GM2A: variants seen among roughly 807,000 people sequenced by gnomAD.
GM2A encodes the protein GM2 ganglioside activator.
Under a neutral mutation model 12.9 loss-of-function variants are expected in GM2A, and 7 were observed. The observed-to-expected ratio is 0.54, with a 90% CI of 0.31 to 1.02. The LOEUF is 1.02. Ranked by LOEUF, GM2A falls within the 50% of genes least tolerant of loss-of-function variation. The pLI, the probability that GM2A is intolerant of heterozygous loss-of-function variation, is 0.05. For synonymous variants in GM2A, 101 were observed against 96.0 expected, an observed-to-expected ratio of 1.05 and a Z score of -0.30; for missense variants, 246 against 241.0, an observed-to-expected ratio of 1.02 and a Z score of -0.14.
At position 151,268,527 on chromosome 5, in the gene GM2A, A is replaced by G. The variant is rs543560957; in HGVS notation, c.*1076A>G. On this transcript the variant is annotated 3_prime_UTR_variant, in exon 4 of 4. Transcript: ENST00000357164. ...ACAGAAAGTCACAGCACATGTGCCC[A>G]TTGATACAAGGCTGCTGAGGCCTGG... is the stretch of plus-strand genomic sequence containing the variant. The G allele has an allele frequency of 2.0e-4, 202 of 985,450 alleles. No homozygotes were observed. In the African/African-American group the frequency reaches 3.3e-3, roughly 16 times the overall value. The allele number at this position is 985,450 out of a possible 1,614,324, so 61.0% of individuals were successfully genotyped here. A position where few individuals can be genotyped will look rare whatever the true frequency, so the allele number is the denominator to read the frequency against.
In GM2A at chr5:151,269,672, C is replaced by A; in HGVS notation, c.*2221C>A. Reference sequence around the variant, plus strand: ...CATCTGGTTCCAGATTTCTTTTCCCCGAAAAAAACCTTAGAAGTAACTAAA... The same window carrying A: ...CATCTGGTTCCAGATTTCTTTTCCCAGAAAAAAACCTTAGAAGTAACTAAA... On this transcript the variant is annotated 3_prime_UTR_variant, in exon 4 of 4. Coordinates refer to ENST00000357164, the MANE Select transcript of GM2A (RefSeq NM_000405.5). 1 of 171,228 alleles carries A rather than the reference C, an allele frequency of 5.8e-6. No homozygotes were observed. Among genetic ancestry groups the A allele is most frequent in the Non-Finnish European group, 1.2e-5 (1 of 85,388 alleles). 10.6% of individuals were successfully genotyped at this position (171,228 alleles called of 1,614,324 possible). A position where few individuals can be genotyped will look rare whatever the true frequency, so the allele number is the denominator to read the frequency against.
intron 1 of GM2A, among the ~76,000 whole-genome samples, chr5:151,255,758 C>G (rs1043589307): frequency 3.3e-5 from 5 of 152,164 alleles, no homozygotes; most frequent in Non-Finnish European, 5.9e-5. Flanking sequence ...CTTCATTTGC[C>G]TGGAGAATTT....
At chr5:151,259,350 G>A (rs1186722706) in intron 1 of GM2A, among the ~76,000 whole-genome samples, 1 of 152,200 alleles carries the variant, frequency 6.6e-6, no homozygotes, top group Non-Finnish European at 1.5e-5. Context: ...GGTGTGGGCT[G>A]CAGAGGTGAA....
intron 2 of GM2A, among the ~76,000 whole-genome samples, chr5:151,261,981 C>T (rs1426131004): frequency 2.6e-5 from 4 of 152,160 alleles, no homozygotes; most frequent in Admixed American, 6.6e-5. Flanking sequence ...TCTAGATACA[C>T]ACTTTTTAGG....
chr5:151,268,645 A>G lies in GM2A; in HGVS notation c.*1194A>G. 1.4e-6 allele frequency: 1 copy of G among 724,034 alleles called. No homozygotes were observed. Among genetic ancestry groups the G allele is most frequent in the Non-Finnish European group, 1.7e-6 (1 of 591,388 alleles). 44.9% of individuals were successfully genotyped at this position (724,034 alleles called of 1,614,324 possible). A position where few individuals can be genotyped will look rare whatever the true frequency, so the allele number is the denominator to read the frequency against. ...GTGAAGACAACTGCCAGATACTGGC[A>G]ATACTCCAGCCTGGTGACAGAGTGA... On this transcript the variant is annotated 3_prime_UTR_variant, in exon 4 of 4. Coordinates refer to ENST00000357164, the MANE Select transcript of GM2A (RefSeq NM_000405.5).
At chr5:151,266,971 G>A in intron 3 of GM2A, 58 bp downstream of exon 3, 1 of 1,351,074 alleles carries the variant, frequency 7.4e-7, no homozygotes, top group Non-Finnish European at 1.1e-6. Flanking sequence ...GGGGTTTGGA[G>A]AGAAGGGTCT....
chr5:151,259,712 A>C (rs1350042004), intron 1 of GM2A, 43 bp from the exon 2 acceptor site: 1 of 1,596,580 alleles, frequency 6.3e-7, no homozygotes, highest in Non-Finnish European at 8.6e-7. Context: ...TCTTTTGTCA[A>C]CCTTTTTCTT....
intron 1 of GM2A, among the ~76,000 whole-genome samples, chr5:151,255,610 G>A (rs1182155422): frequency 6.6e-6 from 1 of 152,148 alleles, no homozygotes; most frequent in East Asian, 1.9e-4. Context: ...TGTCGGTGAA[G>A]GGAAATGCAT....
At chr5:151,265,708 G>C (rs1753871736) in intron 2 of GM2A, among the ~76,000 whole-genome samples, 1 of 152,156 alleles carries the variant, frequency 6.6e-6, no homozygotes, top group East Asian at 1.9e-4. Flanking sequence ...ACTTCCTCCT[G>C]GTCAGCTTCA....
At position 151,269,253 on chromosome 5, in the gene GM2A, T is replaced by C. The variant is rs1218469795; in HGVS notation, c.*1802T>C. On this transcript the variant is annotated 3_prime_UTR_variant, in exon 4 of 4. Transcript: ENST00000357164. Reference sequence around the variant, plus strand: ...TTTTAACTTGCGGACAGTTTCCCCTTGCCTTGGCTGCATATTTCACTGATC... The same window carrying C: ...TTTTAACTTGCGGACAGTTTCCCCTCGCCTTGGCTGCATATTTCACTGATC... 1 of 985,360 alleles carries C rather than the reference T, an allele frequency of 1.0e-6. No homozygotes were observed. Among genetic ancestry groups the C allele is most frequent in the African/African-American group, 1.7e-5 (1 of 57,242 alleles). 61.0% of individuals were successfully genotyped at this position (985,360 alleles called of 1,614,324 possible).
chr5:151,257,838 C>A (rs770961884), intron 1 of GM2A, among the ~76,000 whole-genome samples: 8 of 152,216 alleles, frequency 5.3e-5, no homozygotes, highest in African/African-American at 1.9e-4. Context: ...TGCAAGAGCC[C>A]GGCTTAAGTA....
intron 3 of GM2A, 41 bp downstream of exon 3, chr5:151,266,954 A>C: frequency 6.7e-7 from 1 of 1,489,528 alleles, no homozygotes; most frequent in Non-Finnish European, 9.4e-7. Context: ...CCTGTGGCTA[A>C]AGAGATGGGG....
At position 151,267,279 on chromosome 5, in the gene GM2A, C is replaced by T. The variant is rs1302753656; in HGVS notation, c.427-17C>T. 6.2e-7 allele frequency: 1 copy of T among 1,614,134 alleles called. No individual in the cohort carries two copies. Among genetic ancestry groups the T allele is most frequent in the Non-Finnish European group, 8.5e-7 (1 of 1,179,996 alleles). On this transcript the variant is annotated splice_polypyrimidine_tract_variant and intron_variant, in intron 3 of 3. Coordinates refer to ENST00000357164, the MANE Select transcript of GM2A (RefSeq NM_000405.5). ...AGTAGGCTCCCACTGACTGGCGGTCCACTGGCTTTCCCGCAGGGAACCTAC... is the reference window on the plus strand; with the variant it reads ...AGTAGGCTCCCACTGACTGGCGGTCTACTGGCTTTCCCGCAGGGAACCTAC...
rs947160838 is a variant in GM2A at position 151,268,242 on chromosome 5, G to A, written c.*791G>A. The A allele has an allele frequency of 1.3e-4, 73 of 562,090 alleles. No homozygotes were observed. The highest frequency in any genetic ancestry group is 1.4e-4 in the Non-Finnish European group (64 of 445,440). 34.8% of individuals were successfully genotyped at this position (562,090 alleles called of 1,614,324 possible). ...GCAATCTCACCTCACTGCAACCTCC[G>A]CCTCCTGGGTTCAAGCAATTCTCCT... is the stretch of plus-strand genomic sequence containing the variant. On this transcript the variant is annotated 3_prime_UTR_variant, in exon 4 of 4. Coordinates refer to ENST00000357164, the MANE Select transcript of GM2A (RefSeq NM_000405.5).
intron 1 of GM2A, among the ~76,000 whole-genome samples, 162 bp downstream of exon 1, chr5:151,253,459 T>C: frequency 6.6e-6 from 1 of 152,208 alleles, no homozygotes; most frequent in East Asian, 1.9e-4. Flanking sequence ...GTCTGTACAA[T>C]GAGGGTGGCC....
intron 1 of GM2A, among the ~76,000 whole-genome samples, chr5:151,256,790 C>T (rs546541572): frequency 6.6e-6 from 1 of 152,056 alleles, no homozygotes; most frequent in Non-Finnish European, 1.5e-5. Flanking sequence ...CCATTAATGC[C>T]CTCTTTCTGA....
At position 151,253,233 on chromosome 5, in the gene GM2A, A is replaced by G; in HGVS notation, c.17A>G (p.Gln6Arg). The change falls in exon 1 of 4, where the codon CAG becomes CGG. Residue 6 changes from glutamine to arginine, a missense_variant. Transcript: ENST00000357164. MQSLM[Q>R]APLLIALGLL... The stretch of plus-strand genomic sequence containing the variant: ...CCCTTCCCGATGCAGTCCCTGATGC[A>G]GGCTCCCCTCCTGATCGCCCTGGGC... 6.2e-7 allele frequency: 1 copy of G among 1,613,960 alleles called. No homozygotes were observed. The highest frequency in any genetic ancestry group is 8.5e-7 in the Non-Finnish European group (1 of 1,179,858).
In GM2A at chr5:151,269,144, A is replaced by G. The variant is rs1189419745; in HGVS notation, c.*1693A>G. On this transcript the variant is annotated 3_prime_UTR_variant, in exon 4 of 4. Transcript: ENST00000357164. ...ATCAAACTGCCTGGATTTTTCTACC[A>G]CCCTGTTACATCATAACAACTTCTG... 1 of 985,184 alleles carries G rather than the reference A, an allele frequency of 1.0e-6. No homozygotes were observed. Among genetic ancestry groups the G allele is most frequent in the Non-Finnish European group, 1.2e-6 (1 of 829,920 alleles). The allele number at this position is 985,184 out of a possible 1,614,324, so 61.0% of individuals were successfully genotyped here.
rs1472622991 is a variant in GM2A, at chr5:151,269,402, C to G, written c.*1951C>G. 1 of 985,380 alleles carries G rather than the reference C, an allele frequency of 1.0e-6. No homozygotes were observed. Among genetic ancestry groups the G allele is most frequent in the Non-Finnish European group, 1.2e-6 (1 of 829,934 alleles). The allele number at this position is 985,380 out of a possible 1,614,324, so 61.0% of individuals were successfully genotyped here. On this transcript the variant is annotated 3_prime_UTR_variant, in exon 4 of 4. Transcript: ENST00000357164. ...ACCCTTCTGCAGGAGCTTGAGCTTG[C>G]TTGTTGTCTCTGCTTCATCGCCATC...
Sources: allele counts gnomAD v4.1 joint callset (sites outside exome capture counted in the v4.1 genomes callset), GRCh38; gene constraint gnomAD v4.1.1; transcripts MANE v1.5; gene names NCBI Gene and HGNC (gene_info 2026-07-23, HGNC 2026-07-21).